The following AHCYL2 variants were observed in gnomAD, a reference collection of about 807,000 sequenced individuals.
AHCYL2 encodes S-adenosylhomocysteine hydrolase-like protein 2.
Under a neutral mutation model 81.4 loss-of-function variants are expected in AHCYL2, and 28 were observed. The observed-to-expected ratio is 0.34, with a 90% CI of 0.25 to 0.47. AHCYL2 has a LOEUF of 0.47. Ranked by LOEUF, AHCYL2 falls within the 20% of genes least tolerant of loss-of-function variation. AHCYL2 has a pLI of 1.00. For missense variants in AHCYL2, 551 were observed against 785.1 expected, an observed-to-expected ratio of 0.70 and a Z score of 3.56; for synonymous variants, 272 against 290.2, an observed-to-expected ratio of 0.94 and a Z score of 0.64.
At chr7:129,288,518 C>A (rs1173060281) in intron 1 of AHCYL2, among the ~76,000 whole-genome samples, 2 of 152,082 alleles carry the variant, frequency 1.3e-5, no homozygotes, top group Admixed American at 6.6e-5. Flanking sequence ...CGCCACCACG[C>A]CTGGCTAATT....
At chr7:129,407,210 GGT>G (rs1796349228) in intron 10 of AHCYL2, among the ~76,000 whole-genome samples, 1 of 152,040 alleles carries the variant, frequency 6.6e-6, no homozygotes, top group Non-Finnish European at 1.5e-5. Flanking sequence ...AAATTAGCTG[GGT>G]GTGGTGGTGC....
intron 13 of AHCYL2, among the ~76,000 whole-genome samples, chr7:129,424,489 G>T (rs770927403): frequency 1.3e-5 from 2 of 152,200 alleles, no homozygotes; most frequent in South Asian, 2.1e-4. Context: ...ATTGTCCCTG[G>T]ATTTGACTGA....
At chr7:129,246,462 C>T (rs924319797) in intron 1 of AHCYL2, among the ~76,000 whole-genome samples, 1 of 152,178 alleles carries the variant, frequency 6.6e-6, no homozygotes, top group South Asian at 2.1e-4. Flanking sequence ...TGATCCCACC[C>T]TCTGCCCCAG....
intron 5 of AHCYL2, among the ~76,000 whole-genome samples, chr7:129,397,594 T>A (rs528263675): frequency 6.6e-6 from 1 of 152,244 alleles, no homozygotes; most frequent in Non-Finnish European, 1.5e-5. Context: ...AATTCACTAA[T>A]AGCAGAGCAC....
At chr7:129,388,868 G>A (rs1341483688) in intron 2 of AHCYL2, 188 bp from the exon 3 acceptor site, 1 of 558,318 alleles carries the variant, frequency 1.8e-6, no homozygotes, top group Non-Finnish European at 3.0e-6. Flanking sequence ...GGCTATCCAG[G>A]AAGAATGTCT....
chr7:129,309,718 A>G (rs1281050579), intron 1 of AHCYL2, among the ~76,000 whole-genome samples: 1 of 152,278 alleles, frequency 6.6e-6, no homozygotes, highest in South Asian at 2.1e-4. Context: ...ACTGAGTGCT[A>G]TAAAGTTATG....
intron 12 of AHCYL2, among the ~76,000 whole-genome samples, chr7:129,415,722 G>A (rs577805926): frequency 7.2e-5 from 11 of 151,936 alleles, no homozygotes; most frequent in South Asian, 6.3e-4. Context: ...AGGCCAAGGC[G>A]GGATGATTAC....
intron 1 of AHCYL2, among the ~76,000 whole-genome samples, chr7:129,309,517 G>C (rs530036381): frequency 6.6e-6 from 1 of 152,254 alleles, no homozygotes; most frequent in African/African-American, 2.4e-5. Context: ...TCCAGCCTGG[G>C]CAACAGAGCA....
chr7:129,303,809 G>A (rs946584729), intron 1 of AHCYL2, among the ~76,000 whole-genome samples: 6 of 152,126 alleles, frequency 3.9e-5, no homozygotes, highest in African/African-American at 1.4e-4. Context: ...CTTTGGCTGG[G>A]TGTGGTGGCT....
intron 6 of AHCYL2, among the ~76,000 whole-genome samples, chr7:129,402,397 A>G (rs761145625): frequency 2.6e-5 from 4 of 152,204 alleles, no homozygotes; most frequent in Non-Finnish European, 5.9e-5. Flanking sequence ...GGGGTCCAGA[A>G]TGGCAGTTTT....
At chr7:129,334,977 T>A (rs1009282694) in intron 1 of AHCYL2, among the ~76,000 whole-genome samples, 1 of 152,238 alleles carries the variant, frequency 6.6e-6, no homozygotes, top group Non-Finnish European at 1.5e-5. Context: ...CTATATTCTG[T>A]TAATGATTTG....
chr7:129,429,677 C>G lies in AHCYL2; in HGVS notation c.*2632C>G, dbSNP rs1197831744. The G allele has an allele frequency of 6.6e-6, 1 of 152,222 alleles. No homozygotes were observed. Among genetic ancestry groups the G allele is most frequent in the Non-Finnish European group, 1.5e-5 (1 of 68,020 alleles). 9.4% of individuals were successfully genotyped at this position (152,222 alleles called of 1,614,324 possible). On this transcript the variant is annotated 3_prime_UTR_variant, in exon 17 of 17. Coordinates refer to ENST00000325006, the MANE Select transcript of AHCYL2 (RefSeq NM_015328.4). Reference sequence around the variant, plus strand: ...ACCGTGCCTGGCACTTTTTTGCCTTCTTAATGGAGATATTCAGTTTTCTTT... The same window carrying G: ...ACCGTGCCTGGCACTTTTTTGCCTTGTTAATGGAGATATTCAGTTTTCTTT...
intron 1 of AHCYL2, among the ~76,000 whole-genome samples, chr7:129,232,302 T>A (rs1350227181): frequency 6.6e-6 from 1 of 152,196 alleles, no homozygotes; most frequent in Admixed American, 6.6e-5. Flanking sequence ...TGTAGTACTA[T>A]CTTTATATTA....
chr7:129,379,276 T>C (rs1231510336), intron 1 of AHCYL2, among the ~76,000 whole-genome samples: 3 of 136,262 alleles, frequency 2.2e-5, no homozygotes, highest in East Asian at 2.1e-4. Flanking sequence ...TAAAAGTCCA[T>C]CTCAAAAAAA....
intron 1 of AHCYL2, among the ~76,000 whole-genome samples, chr7:129,351,082 ATAT>A (rs1793547796): frequency 6.6e-6 from 1 of 152,194 alleles, no homozygotes; most frequent in African/African-American, 2.4e-5. Flanking sequence ...TTATTCTAGA[ATAT>A]TATTAAATTC....
chr7:129,299,001 GTATA>G (rs1172021024), intron 1 of AHCYL2, among the ~76,000 whole-genome samples: 2 of 152,026 alleles, frequency 1.3e-5, no homozygotes, highest in East Asian at 3.9e-4. Flanking sequence ...GCGAAAAAAA[GTATA>G]TAGGCAATAC....
At chr7:129,403,966 C>A (rs1796173399) in intron 7 of AHCYL2, among the ~76,000 whole-genome samples, 1 of 147,134 alleles carries the variant, frequency 6.8e-6, no homozygotes, top group Admixed American at 6.8e-5. Context: ...ATGAGGTGAG[C>A]AGATCTCTCT....
In AHCYL2 at chr7:129,426,209, G is replaced by T. The variant is rs1797357602; in HGVS notation, c.1709-234G>T. ...TCTCCTGCACTTTTCTGGAAGGCAG[G>T]GTTCAAAGCTGAGTTAGTAAGGATG... On this transcript the variant is annotated intron_variant, in intron 15 of 16. Transcript: ENST00000325006. The surrounding 1 kb of genome is among the most constrained non-coding windows in gnomAD (Gnocchi z 4.3). 6.6e-6 allele frequency among the ~76,000 whole-genome samples: 1 copy of T among 152,172 alleles called. No homozygotes were observed. Among genetic ancestry groups the T allele is most frequent in the Non-Finnish European group, 1.5e-5 (1 of 68,036 alleles).
chr7:129,269,871 AT>A (rs1415024079), intron 1 of AHCYL2, among the ~76,000 whole-genome samples: 15 of 152,184 alleles, frequency 9.9e-5, no homozygotes. Context: ...TTTGTAATGG[AT>A]TTTTTATGGA....
Sources: allele counts gnomAD v4.1 joint callset (sites outside exome capture counted in the v4.1 genomes callset), GRCh38; gene constraint gnomAD v4.1.1; non-coding constraint Gnocchi (gnomAD v3.1); transcripts MANE v1.5; gene names NCBI Gene and HGNC (gene_info 2026-07-23, HGNC 2026-07-21).